DIDO1: variants seen among roughly 807,000 people sequenced by gnomAD.
DIDO1 encodes death inducer-obliterator 1, also known as death-inducer obliterator 1.
DIDO1 carries 16 observed loss-of-function variants against 99.4 expected under a neutral mutation model. The ratio of observed to expected loss-of-function variants is 0.16; its 90% confidence interval spans 0.11 to 0.24. The LOEUF (loss-of-function observed/expected upper bound fraction) is 0.24. Ranked by LOEUF, DIDO1 falls within the 10% of genes least tolerant of loss-of-function variation. The probability of loss-of-function intolerance (pLI) is 1.00; values close to 1 mark genes in which losing one functional copy is unlikely to be tolerated. For missense variants in DIDO1, 2,996 were observed against 3,014.0 expected (o/e 0.99, Z 0.14); for synonymous variants, 1,366 against 1,239.1 (o/e 1.10, Z -2.15).
intron 2 of DIDO1, among the ~76,000 whole-genome samples, chr20:62,912,376 A>C (rs1167640447): frequency 6.6e-6 from 1 of 152,062 alleles, no homozygotes; most frequent in African/African-American, 2.4e-5. Context: ...TAGCAGCAAG[A>C]CAACTGGGAC....
At chr20:62,895,433 C>T (rs181142159) in intron 8 of DIDO1, among the ~76,000 whole-genome samples, 3 of 149,460 alleles carry the variant, frequency 2.0e-5, no homozygotes, top group Non-Finnish European at 4.4e-5. Context: ...CAGTGGGTTT[C>T]ACGGCCTGTG....
chr20:62,935,270 G>C (rs1210524410), intron 1 of DIDO1, among the ~76,000 whole-genome samples: 4 of 152,138 alleles, frequency 2.6e-5, no homozygotes, highest in Admixed American at 2.6e-4. Flanking sequence ...ATTTTTGCTA[G>C]TATTGCTTCC....
At chr20:62,895,197 A>G in intron 8 of DIDO1, 32 bp from the exon 9 acceptor site, 1 of 1,556,564 alleles carries the variant, frequency 6.4e-7, no homozygotes, top group Non-Finnish European at 8.9e-7. Context: ...TTACTCAAAT[A>G]ATATTCCTAT....
Position 62,888,488 on chromosome 20 carries a change from G to A in DIDO1, c.3541+2472C>T, listed in dbSNP as rs2064334729. The A allele has an allele frequency of 4.1e-6, 4 of 985,530 alleles. 1 individual carries two copies. In the African/African-American group the frequency reaches 7.0e-5, roughly 17 times the overall value. 61.0% of individuals were successfully genotyped at this position (985,530 alleles called of 1,614,324 possible). ...CAGACCCTCACCCAGCACTTCTGGG[G>A]GCGTGACTCCAAGCTGCGCAGCACA... is the stretch of plus-strand genomic sequence containing the variant. On this transcript the variant is annotated intron_variant, in intron 15 of 15. Coordinates refer to ENST00000395343, the MANE Select transcript of DIDO1 (RefSeq NM_001193369.2).
At chr20:62,923,793 T>C (rs1198961161) in intron 1 of DIDO1, among the ~76,000 whole-genome samples, 1 of 152,228 alleles carries the variant, frequency 6.6e-6, no homozygotes, top group Non-Finnish European at 1.5e-5. Context: ...CACTTAAATG[T>C]CTATATCAGC....
chr20:62,921,369 C>T (rs942426388), intron 1 of DIDO1, among the ~76,000 whole-genome samples: 3 of 152,246 alleles, frequency 2.0e-5, no homozygotes, highest in African/African-American at 7.2e-5. Flanking sequence ...ACAGCAGCGC[C>T]TTCCACTGCT....
At chr20:62,889,213 T>C in intron 15 of DIDO1, 1 of 985,544 alleles carries the variant, frequency 1.0e-6, no homozygotes, top group Non-Finnish European at 1.2e-6. Flanking sequence ...GGGAGACCTG[T>C]CCTTTCCCTC....
chr20:62,911,005 G>A lies in DIDO1; in HGVS notation c.608C>T (p.Ser203Phe). The change falls in exon 3 of 16, where the codon TCC (serine) becomes TTC (phenylalanine). Residue 203 changes from serine (S) to phenylalanine (F), a missense_variant. Around this residue, in one of 5 missense-constraint regions of DIDO1, gnomAD observed 388 missense variants for 376.6 expected, o/e 1.03. Coordinates refer to ENST00000395343, the MANE Select transcript of DIDO1 (RefSeq NM_001193369.2). The surrounding 1 kb of genome is among the most constrained non-coding windows in gnomAD (Gnocchi z 7.0). ...GCCCTCCACAGTGTCACTGGCCTCG[G>A]AGCCCACAGTCTCGGCGGGACCCTC... The part of the protein sequence containing the change: ...REEGPAETVG[S>F]EASDTVEGVL... 1 of 1,613,970 alleles carries A rather than the reference G, an allele frequency of 6.2e-7. No individual in the cohort carries two copies. Among genetic ancestry groups the A allele is most frequent in the Non-Finnish European group, 8.5e-7 (1 of 1,180,004 alleles).
rs1234951354 is a variant in DIDO1, at chr20:62,909,917, T to C, written c.943A>G (p.Ile315Val). The change falls in exon 4 of 16, where the codon ATC becomes GTC. Residue 315 changes from isoleucine to valine, a missense_variant. Physicochemically the swap from Ile to Val is conservative, Grantham distance 29. Transcript: ENST00000395343. ...TGCAGAATGGTGCAGTTTGGGCAGA[T>C]ATAGTCTTCCCCATTCCTTTCCAAA... The part of the protein sequence containing the change: ...RLLERNGEDY[I>V]CPNCTILQVQ... The C allele has an allele frequency of 3.1e-6, 5 of 1,614,206 alleles. No homozygotes were observed. The highest frequency in any genetic ancestry group is 4.2e-6 in the Non-Finnish European group (5 of 1,180,040).
Position 62,911,604 on chromosome 20 carries a change from G to A in DIDO1, c.9C>T (p.Asp3=), listed in dbSNP as rs772061914. The A allele has an allele frequency of 1.3e-6, 2 of 1,576,320 alleles. No individual in the cohort carries two copies. Among genetic ancestry groups the A allele is most frequent in the African/African-American group, 1.4e-5 (1 of 74,060 alleles). Residue 3 remains aspartate (D), a synonymous_variant, in exon 3 of 16, where the codon GAC becomes GAT. Coordinates refer to ENST00000395343, the MANE Select transcript of DIDO1 (RefSeq NM_001193369.2). The surrounding 1 kb of genome is among the most constrained non-coding windows in gnomAD (Gnocchi z 7.0). MD[D]KGDPSNEEAP... is the part of the protein sequence containing the mutation. The stretch of plus-strand genomic sequence containing the variant: ...CCTCCTCATTGCTCGGGTCGCCTTT[G>A]TCGTCCATACCTAGCGGTAAAGTGT...
chr20:62,922,687 C>T (rs1601032539), intron 1 of DIDO1, among the ~76,000 whole-genome samples: 2 of 152,214 alleles, frequency 1.3e-5, no homozygotes, highest in South Asian at 4.1e-4. Context: ...GGCAAGTGTG[C>T]AACAGACGGT....
intron 1 of DIDO1, among the ~76,000 whole-genome samples, chr20:62,923,431 C>T (rs2065193541): frequency 6.6e-6 from 1 of 152,178 alleles, no homozygotes; most frequent in Non-Finnish European, 1.5e-5. Context: ...ATCTTGGCCT[C>T]CCAAAGTGCT....
At chr20:62,907,395 T>C (rs1376982244) in intron 4 of DIDO1, 36 bp from the exon 5 acceptor site, 8 of 1,598,884 alleles carry the variant, frequency 5.0e-6, no homozygotes, top group South Asian at 1.1e-5. Flanking sequence ...AACAATGTAC[T>C]TGCCAATTTT....
intron 15 of DIDO1, chr20:62,888,391 C>T (rs769755195): frequency 2.6e-5 from 26 of 985,406 alleles, no homozygotes; most frequent in African/African-American, 7.0e-5. Context: ...AAGGCTGGGG[C>T]GCCAGGTCTC....
intron 13 of DIDO1, among the ~76,000 whole-genome samples, chr20:62,892,370 G>A (rs117058204): frequency 8.5e-4 from 130 of 152,292 alleles, no homozygotes; most frequent in Non-Finnish European, 1.6e-3. Context: ...ATGAGCCAGG[G>A]TGACTCCTTG....
At chr20:62,904,948 CT>C (rs2064768829) in intron 6 of DIDO1, 1 of 971,416 alleles carries the variant, frequency 1.0e-6, no homozygotes, top group East Asian at 1.1e-4. Flanking sequence ...ACTATTTAAC[CT>C]TTCGGTGCTT....
In DIDO1 at chr20:62,888,600, C is replaced by A. The variant is rs1039143328; in HGVS notation, c.3541+2360G>T. On this transcript the variant is annotated intron_variant, in intron 15 of 15. Transcript: ENST00000395343. ...TGCTGTCCAAGGGCTTCTGGGCTAT[C>A]TCCGTGAGGACAGGGTCCGCTGAGA... is the stretch of plus-strand genomic sequence containing the variant. 81 of 985,470 alleles carry A rather than the reference C, an allele frequency of 8.2e-5. No individual in the cohort carries two copies. In the Admixed American group the frequency reaches 1.5e-3, roughly 18 times the overall value. 61.0% of individuals were successfully genotyped at this position (985,470 alleles called of 1,614,324 possible).
rs933965423 is a variant in DIDO1, at chr20:62,880,231, G to C, written c.5725C>G (p.Pro1909Ala). The C allele has an allele frequency of 6.2e-7, 1 of 1,612,446 alleles. No homozygotes were observed. Among genetic ancestry groups the C allele is most frequent in the East Asian group, 2.2e-5 (1 of 44,838 alleles). ...QLKGPRGGPP[P>A]SQFGGQRGPP... ...CCTCTCTGACCTCCAAACTGAGAGG[G>C]AGGGGGGCCGCCTCGGGGGCCTTTC... is the stretch of plus-strand genomic sequence containing the variant. The change falls in exon 16 of 16, where the codon CCC becomes GCC. Residue 1909 changes from proline to alanine, a missense_variant. By Grantham distance (27) the Pro-to-Ala change is conservative (BLOSUM62 -1). This residue lies in a region of DIDO1 where 1,562 missense variants were observed against 1,412.6 expected (regional missense o/e 1.11). Transcript: ENST00000395343.
chr20:62,905,094 T>G (rs2147468197), intron 6 of DIDO1: 2 of 994,948 alleles, frequency 2.0e-6, no homozygotes, highest in East Asian at 2.2e-4. Flanking sequence ...AAGATCTGTT[T>G]GAAATATCTT....
Sources: gnomAD v4.1 joint callset for allele counts (sites outside exome capture counted in the v4.1 genomes callset) on GRCh38, gnomAD v4.1.1 for gene constraint, gnomAD v4.1.1 regional missense constraint, Gnocchi (gnomAD v3.1) non-coding constraint, MANE v1.5 for transcripts, NCBI Gene and HGNC (gene_info 2026-07-23, HGNC 2026-07-21) for gene names.